The following ROBO1 variants were observed in gnomAD, a reference collection of about 807,000 sequenced individuals.
ROBO1 encodes roundabout homolog 1.
Under a neutral mutation model 195.9 loss-of-function variants are expected in ROBO1, and 149 were observed. That is an observed-to-expected ratio of 0.76 (90% CI 0.67 to 0.87). The LOEUF is 0.87. Among genes scored for constraint, ROBO1 ranks in the 40% least tolerant of loss-of-function variants. ROBO1 has a pLI of 0.00. For synonymous variants in ROBO1, 816 were observed against 733.2 expected (o/e 1.11, Z -1.82); for missense variants, 1,933 against 2,068.3 (o/e 0.93, Z 1.27).
chr3:79,228,929 C>A (rs1361323593), intron 2 of ROBO1, among the ~76,000 whole-genome samples: 1 of 151,958 alleles, frequency 6.6e-6, no homozygotes, highest in Non-Finnish European at 1.5e-5. Flanking sequence ...TCACAGTGAA[C>A]CCCAAAGCCA....
chr3:79,673,437 ATAACAGGTACTGGC>A (rs1383745576), intron 1 of ROBO1, among the ~76,000 whole-genome samples: 1 of 151,996 alleles, frequency 6.6e-6, no homozygotes, highest in Non-Finnish European at 1.5e-5. Context: ...CCAGGTTTAA[ATAACAGGTACTGGC>A]TAGGTGGAAC....
chr3:78,892,024 T>A (rs541637558), intron 4 of ROBO1, among the ~76,000 whole-genome samples: 1 of 152,328 alleles, frequency 6.6e-6, no homozygotes, highest in South Asian at 2.1e-4. Flanking sequence ...TGTGAGTATA[T>A]TCACCAATAG....
intron 8 of ROBO1, among the ~76,000 whole-genome samples, chr3:78,696,692 A>G (rs1290121191): frequency 1.4e-5 from 2 of 146,956 alleles, no homozygotes; most frequent in African/African-American, 2.5e-5. Flanking sequence ...ATACATACAT[A>G]TATATATACA....
At chr3:79,465,532 T>A (rs1937911414) in intron 2 of ROBO1, among the ~76,000 whole-genome samples, 1 of 152,218 alleles carries the variant, frequency 6.6e-6, no homozygotes, top group African/African-American at 2.4e-5. Flanking sequence ...TACTTCATTG[T>A]TGGATATAAT....
chr3:79,018,999 G>A (rs1260570841), intron 3 of ROBO1: 2 of 990,292 alleles, frequency 2.0e-6, no homozygotes, highest in African/African-American at 3.5e-5. Flanking sequence ...CCGGAGGAAG[G>A]GCTCGGGGTG....
At chr3:79,502,715 G>C (rs1411490084) in intron 2 of ROBO1, among the ~76,000 whole-genome samples, 2 of 21,006 alleles carry the variant, frequency 9.5e-5, no homozygotes, top group Non-Finnish European at 1.7e-4. Flanking sequence ...GAATCTTTAT[G>C]TCTAGCTAAG....
intron 2 of ROBO1, among the ~76,000 whole-genome samples, chr3:79,262,049 G>A (rs971614055): frequency 6.6e-6 from 1 of 151,982 alleles, no homozygotes; most frequent in Non-Finnish European, 1.5e-5. Flanking sequence ...ACAGATCTAA[G>A]AAACATGTGC....
chr3:79,418,836 T>G (rs1317601395), intron 2 of ROBO1, among the ~76,000 whole-genome samples: 1 of 152,098 alleles, frequency 6.6e-6, no homozygotes, highest in African/African-American at 2.4e-5. Context: ...ATAAATCAGA[T>G]TCTAAAAAAT....
intron 3 of ROBO1, among the ~76,000 whole-genome samples, chr3:79,004,608 T>A (rs1231439183): frequency 6.6e-6 from 1 of 152,114 alleles, no homozygotes; most frequent in Admixed American, 6.6e-5. Context: ...GAGACACCTG[T>A]ATTGATTCAT....
chr3:79,200,370 AT>A (rs1369089866), intron 2 of ROBO1, among the ~76,000 whole-genome samples: 1 of 151,734 alleles, frequency 6.6e-6, no homozygotes, highest in Non-Finnish European at 1.5e-5. Context: ...TTTGTTAGCT[AT>A]TGATAGAAAA....
intron 4 of ROBO1, among the ~76,000 whole-genome samples, chr3:78,754,862 A>G (rs1489163301): frequency 1.3e-5 from 2 of 152,210 alleles, no homozygotes; most frequent in African/African-American, 4.8e-5. Flanking sequence ...GTGAAGCCTG[A>G]GTAATGAGTA....
chr3:79,517,840 C>A (rs1941018438), intron 2 of ROBO1, among the ~76,000 whole-genome samples: 1 of 152,296 alleles, frequency 6.6e-6, no homozygotes, highest in African/African-American at 2.4e-5. Flanking sequence ...CTCATTCAAA[C>A]CTTCAATTGC....
intron 19 of ROBO1, 130 bp from the exon 20 acceptor site, chr3:78,647,785 C>A: frequency 1.2e-6 from 1 of 805,322 alleles, no homozygotes; most frequent in Non-Finnish European, 2.1e-6. Flanking sequence ...GTAGTTCTGA[C>A]AATCTGATCT....
chr3:79,664,295 G>T (rs997749485), intron 1 of ROBO1, among the ~76,000 whole-genome samples: 2 of 151,980 alleles, frequency 1.3e-5, no homozygotes, highest in Non-Finnish European at 2.9e-5. Flanking sequence ...GGAGGGCAGA[G>T]ATTTTGTTTT....
intron 2 of ROBO1, among the ~76,000 whole-genome samples, chr3:79,544,866 C>T (rs1316075253): frequency 2.0e-5 from 3 of 151,974 alleles, no homozygotes; most frequent in Admixed American, 6.6e-5. Flanking sequence ...TGTTATTTGA[C>T]ATGAACTTAA....
rs2076968198 is a variant in ROBO1, at chr3:78,980,478, A to C, written c.173-41551T>G. Reference sequence around the variant, plus strand: ...ATAAATACACAAGGTTACCATTTTAATAAAGCATTCTTTTCCAACAGGAGA... The same window carrying C: ...ATAAATACACAAGGTTACCATTTTACTAAAGCATTCTTTTCCAACAGGAGA... On this transcript the variant is annotated intron_variant, in intron 3 of 30. Transcript: ENST00000464233. 2.0e-5 allele frequency among the ~76,000 whole-genome samples: 3 copies of C among 152,242 alleles called. No homozygotes were observed. In the South Asian group the frequency reaches 6.2e-4, roughly 31 times the overall value.
chr3:79,053,788 A>G (rs1453211100), intron 3 of ROBO1, among the ~76,000 whole-genome samples: 1 of 152,084 alleles, frequency 6.6e-6, no homozygotes, highest in African/African-American at 2.4e-5. Context: ...CCTACTCTTG[A>G]AACTTCAGTG....
At chr3:79,671,728 T>G (rs1946637312) in intron 1 of ROBO1, among the ~76,000 whole-genome samples, 1 of 151,934 alleles carries the variant, frequency 6.6e-6, no homozygotes, top group Admixed American at 6.6e-5. Flanking sequence ...ATTTATTGTA[T>G]TGTCGGTATT....
At chr3:79,150,753 G>T (rs1327808183) in intron 2 of ROBO1, among the ~76,000 whole-genome samples, 2 of 151,726 alleles carry the variant, frequency 1.3e-5, no homozygotes, top group East Asian at 1.9e-4. Context: ...GCATTTTTAT[G>T]CATAGTGTCT....
Sources: allele counts gnomAD v4.1 joint callset (sites outside exome capture counted in the v4.1 genomes callset), GRCh38; gene constraint gnomAD v4.1.1; transcripts MANE v1.5; gene names NCBI Gene and HGNC (gene_info 2026-07-23, HGNC 2026-07-21).